The following CACNA1C variants were observed in gnomAD, a reference collection of about 807,000 sequenced individuals.
CACNA1C encodes voltage-dependent L-type calcium channel subunit alpha-1C.
In CACNA1C, 30 loss-of-function variants were observed where a neutral mutation model predicts 229.0. The ratio of observed to expected loss-of-function variants is 0.13; its 90% CI spans 0.10 to 0.18. The LOEUF (loss-of-function observed/expected upper bound fraction) is 0.18. Among genes scored for constraint, CACNA1C ranks in the 10% least tolerant of loss-of-function variants. CACNA1C has a pLI of 1.00. For synonymous variants in CACNA1C, 1,114 were observed against 1,132.5 expected, an observed-to-expected ratio of 0.98 and a Z score of 0.33; for missense variants, 1,658 against 2,845.0, an observed-to-expected ratio of 0.58 and a Z score of 9.49.
chr12:2,324,402 G>A (rs751297224), intron 3 of CACNA1C, among the ~76,000 whole-genome samples: 8 of 152,190 alleles, frequency 5.3e-5, no homozygotes, highest in African/African-American at 1.4e-4. Context: ...CTTGCTGCCC[G>A]AATCTCCACC....
intron 29 of CACNA1C, among the ~76,000 whole-genome samples, chr12:2,615,763 G>A (rs1028082507): frequency 1.3e-5 from 2 of 152,230 alleles, no homozygotes; most frequent in Admixed American, 6.5e-5. Flanking sequence ...GGTAGTGGGA[G>A]TGATGATGTC....
intron 3 of CACNA1C, among the ~76,000 whole-genome samples, chr12:2,174,927 T>TGAGCAGACTGC (rs1322744391): frequency 5.9e-5 from 9 of 152,198 alleles, no homozygotes; most frequent in Non-Finnish European, 1.2e-4. Context: ...CCTCCTTGTC[T>TGAGCAGACTGC]TCACATTGAG....
At chr12:2,567,942 G>A (rs1028151151) in intron 13 of CACNA1C, 148 bp downstream of exon 13, 1 of 585,760 alleles carries the variant, frequency 1.7e-6, no homozygotes, top group Middle Eastern at 3.4e-4. Context: ...GGTAGTTTGT[G>A]TTCATTTAGA....
At chr12:2,450,593 T>A (rs1158300452) in intron 4 of CACNA1C, among the ~76,000 whole-genome samples, 1 of 143,372 alleles carries the variant, frequency 7.0e-6, no homozygotes, top group African/African-American at 2.6e-5. Context: ...GGTGATGAAG[T>A]TCCATCAACA....
intron 3 of CACNA1C, among the ~76,000 whole-genome samples, chr12:2,274,343 G>A (rs2086690289): frequency 6.6e-6 from 1 of 152,196 alleles, no homozygotes; most frequent in Admixed American, 6.5e-5. Flanking sequence ...TTCTGAGCTA[G>A]GAGGGCTTCC....
chr12:2,334,328 A>G (rs1473429720), intron 3 of CACNA1C, among the ~76,000 whole-genome samples: 4 of 152,202 alleles, frequency 2.6e-5, no homozygotes, highest in African/African-American at 9.6e-5. Context: ...CTGAGGAGAG[A>G]GAAAGCCAGG....
At chr12:2,351,554 G>T (rs992624782) in intron 3 of CACNA1C, among the ~76,000 whole-genome samples, 1 of 152,218 alleles carries the variant, frequency 6.6e-6, no homozygotes, top group African/African-American at 2.4e-5. Context: ...TCTCCTCAAG[G>T]GTGGCTGATG....
chr12:2,190,739 T>C (rs564515514), intron 3 of CACNA1C, among the ~76,000 whole-genome samples: 6 of 152,268 alleles, frequency 3.9e-5, no homozygotes, highest in Admixed American at 3.9e-4. Flanking sequence ...CAGCAGCTGG[T>C]GGCTTCACAG....
At chr12:2,179,411 C>T (rs1224696103) in intron 3 of CACNA1C, among the ~76,000 whole-genome samples, 1 of 152,110 alleles carries the variant, frequency 6.6e-6, no homozygotes. Context: ...GAAAACATAC[C>T]AACCTGTTAG....
At chr12:2,144,971 A>G (rs1339356573) in intron 3 of CACNA1C, among the ~76,000 whole-genome samples, 2 of 151,282 alleles carry the variant, frequency 1.3e-5, no homozygotes, top group Non-Finnish European at 3.0e-5. Flanking sequence ...GAAAGAACTG[A>G]GCAAACTTTC....
intron 3 of CACNA1C, among the ~76,000 whole-genome samples, chr12:2,206,186 G>A (rs930776293): frequency 6.6e-6 from 1 of 152,124 alleles, no homozygotes; most frequent in Non-Finnish European, 1.5e-5. Context: ...CTTGAGATCC[G>A]GCCCTTCTAA....
chr12:2,226,551 T>C (rs2154356502), intron 3 of CACNA1C, among the ~76,000 whole-genome samples: 1 of 152,330 alleles, frequency 6.6e-6, no homozygotes, highest in Non-Finnish European at 1.5e-5. Context: ...ATACCTAGTT[T>C]TCCTCTCCAT....
intron 3 of CACNA1C, among the ~76,000 whole-genome samples, chr12:2,412,872 A>G (rs1302923160): frequency 6.6e-6 from 1 of 152,248 alleles, no homozygotes; most frequent in African/African-American, 2.4e-5. Context: ...AATAAATGAC[A>G]TGAGGGCACA....
At chr12:2,427,533 C>CA (rs71057825) in intron 3 of CACNA1C, among the ~76,000 whole-genome samples, 120,868 of 151,820 alleles carry the variant, frequency 0.8, 48,136 homozygotes, top group Admixed American at 0.82. Flanking sequence ...CCGACCCACA[C>CA]ATCAAGGAGG....
intron 10 of CACNA1C, among the ~76,000 whole-genome samples, chr12:2,554,908 A>G (rs2043233338): frequency 6.6e-6 from 1 of 152,204 alleles, no homozygotes. Context: ...TGCTTGTCAA[A>G]AGTGCCAGCC....
At chr12:2,528,079 G>A (rs2099826850) in intron 9 of CACNA1C, among the ~76,000 whole-genome samples, 1 of 152,134 alleles carries the variant, frequency 6.6e-6, no homozygotes, top group Non-Finnish European at 1.5e-5. Context: ...AGCAATCTGG[G>A]ATGAATGACC....
intron 3 of CACNA1C, among the ~76,000 whole-genome samples, chr12:2,423,384 C>G (rs2098997043): frequency 6.6e-6 from 1 of 152,156 alleles, no homozygotes; most frequent in African/African-American, 2.4e-5. Context: ...TGCCTGGGTT[C>G]AAGCACTTGC....
chr12:2,524,779 G>A (rs1598879297), intron 9 of CACNA1C, among the ~76,000 whole-genome samples: 1 of 152,180 alleles, frequency 6.6e-6, no homozygotes, highest in South Asian at 2.1e-4. Flanking sequence ...CATTGCTCGC[G>A]ACACACCATC....
chr12:2,357,149 G>A (rs2097394657), intron 3 of CACNA1C, among the ~76,000 whole-genome samples: 1 of 152,198 alleles, frequency 6.6e-6, no homozygotes, highest in Non-Finnish European at 1.5e-5. Context: ...GATTAGAAGT[G>A]AGGCTTTCCT....
Sources: gnomAD v4.1 joint callset for allele counts (sites outside exome capture counted in the v4.1 genomes callset) on GRCh38, gnomAD v4.1.1 for gene constraint, MANE v1.5 for transcripts, NCBI Gene and HGNC (gene_info 2026-07-23, HGNC 2026-07-21) for gene names.